The following MCMDC2 variants were observed in gnomAD, a reference collection of about 807,000 sequenced individuals.
MCMDC2 encodes the protein minichromosome maintenance domain-containing protein 2.
Under a neutral mutation model 75.8 loss-of-function variants are expected in MCMDC2, and 54 were observed. The observed-to-expected ratio is 0.71, with a 90% CI of 0.57 to 0.89. The LOEUF (loss-of-function observed/expected upper bound fraction) is 0.89. MCMDC2 is among the 40% of genes least tolerant of loss of function. The pLI is 0.00. For missense variants in MCMDC2, 656 were observed against 780.4 expected (o/e 0.84, Z 1.90); for synonymous variants, 249 against 274.6 (o/e 0.91, Z 0.92).
chr8:66,915,297 C>T (rs191986469), intron 14 of MCMDC2, among the ~76,000 whole-genome samples: 2 of 151,950 alleles, frequency 1.3e-5, no homozygotes. Context: ...ACTAAAAAGA[C>T]AAAAATTAGT....
chr8:66,921,077 C>T lies in MCMDC2; in HGVS notation c.*1908C>T, dbSNP rs1723301008. On this transcript the variant is annotated 3_prime_UTR_variant, in exon 15 of 15. Transcript: ENST00000422365. ...ATAGCTCACTGCCACCTTAATCTCC[C>T]CAGCTCAAAAAACCCAACCTCAGTC... 6.6e-6 allele frequency: 1 copy of T among 152,086 alleles called. No homozygotes were observed. The highest frequency in any genetic ancestry group is 2.1e-4 in the South Asian group (1 of 4,822). The allele number at this position is 152,086 out of a possible 1,614,324, so 9.4% of individuals were successfully genotyped here. A position where few individuals can be genotyped will look rare whatever the true frequency, so the allele number is the denominator to read the frequency against.
chr8:66,904,046 T>A (rs1812809218), intron 13 of MCMDC2, among the ~76,000 whole-genome samples: 1 of 152,172 alleles, frequency 6.6e-6, no homozygotes, highest in South Asian at 2.1e-4. Flanking sequence ...GATATTTCAT[T>A]CTTTTTATGT....
At chr8:66,900,212 G>A (rs544157350) in intron 12 of MCMDC2, among the ~76,000 whole-genome samples, 20 of 150,120 alleles carry the variant, frequency 1.3e-4, no homozygotes, top group Non-Finnish European at 2.4e-4. Context: ...CGAGGTGGGC[G>A]GATCACCTGA....
chr8:66,918,383 A>T (rs1813399109), intron 14 of MCMDC2, among the ~76,000 whole-genome samples: 1 of 151,850 alleles, frequency 6.6e-6, no homozygotes. Flanking sequence ...ATTTATGTGT[A>T]TTTTCTTTTG....
chr8:66,894,007 G>A (rs1347992713), intron 10 of MCMDC2, among the ~76,000 whole-genome samples: 1 of 152,064 alleles, frequency 6.6e-6, no homozygotes, highest in East Asian at 1.9e-4. Flanking sequence ...CGAGATAATG[G>A]CACTTGACTG....
downstream of MCMDC2, chr8:66,925,642 A>C (rs533489128): frequency 6.6e-6 from 1 of 152,396 alleles, no homozygotes; most frequent in East Asian, 1.9e-4. Context: ...GGCTGAGTGC[A>C]CCGGCTCTGG....
chr8:66,903,497 G>C (rs1411453616), intron 13 of MCMDC2, among the ~76,000 whole-genome samples: 1 of 152,160 alleles, frequency 6.6e-6, no homozygotes, highest in Non-Finnish European at 1.5e-5. Flanking sequence ...TGGTCTATCA[G>C]TAGGGGACTG....
chr8:66,908,056 A>G (rs1812973714), intron 14 of MCMDC2, among the ~76,000 whole-genome samples: 1 of 152,160 alleles, frequency 6.6e-6, no homozygotes, highest in Admixed American at 6.6e-5. Context: ...TTTGCTGTGC[A>G]GAAGCTCTTT....
chr8:66,903,188 A>G (rs1340434068), intron 13 of MCMDC2, among the ~76,000 whole-genome samples: 1 of 152,114 alleles, frequency 6.6e-6, no homozygotes, highest in Non-Finnish European at 1.5e-5. Context: ...GGAAACAGAA[A>G]GCATTATGTA....
At chr8:66,885,010 A>C (rs1239854320) in intron 9 of MCMDC2, among the ~76,000 whole-genome samples, 1 of 152,106 alleles carries the variant, frequency 6.6e-6, no homozygotes, top group Non-Finnish European at 1.5e-5. Flanking sequence ...GGCTCAAGCG[A>C]TCCTCTCACC....
chr8:66,895,025 G>A (rs1466686017), intron 10 of MCMDC2, among the ~76,000 whole-genome samples: 1 of 152,172 alleles, frequency 6.6e-6, no homozygotes, highest in South Asian at 2.1e-4. Context: ...TCCAGGGGTT[G>A]GTTCCAGGGC....
At chr8:66,895,014 C>A (rs576334308) in intron 10 of MCMDC2, among the ~76,000 whole-genome samples, 2 of 152,214 alleles carry the variant, frequency 1.3e-5, no homozygotes, top group East Asian at 3.8e-4. Flanking sequence ...CCTCAGTATT[C>A]TCCAGGGGTT....
intron 14 of MCMDC2, among the ~76,000 whole-genome samples, chr8:66,918,562 G>A (rs1180836991): frequency 2.6e-5 from 4 of 151,920 alleles, no homozygotes; most frequent in Admixed American, 2.0e-4. Flanking sequence ...ATCTTTGATC[G>A]TCCACTTAGC....
At chr8:66,871,015 G>T (rs1810989193) in intron 1 of MCMDC2, among the ~76,000 whole-genome samples, 184 bp downstream of exon 1, 1 of 152,196 alleles carries the variant, frequency 6.6e-6, no homozygotes. Flanking sequence ...CAGAATCCGC[G>T]CCTGTTCCAC....
intron 8 of MCMDC2, 130 bp from the exon 9 acceptor site, chr8:66,883,627 C>G (rs77716109): frequency 6.4e-6 from 3 of 471,302 alleles, no homozygotes; most frequent in Non-Finnish European, 7.4e-6. Flanking sequence ...GATCCTGTCT[C>G]AAAAAAAAAA....
At chr8:66,912,795 C>G (rs1279672679) in intron 14 of MCMDC2, among the ~76,000 whole-genome samples, 1 of 152,040 alleles carries the variant, frequency 6.6e-6, no homozygotes, top group African/African-American at 2.4e-5. Flanking sequence ...GTGGGGAGAG[C>G]TAGCGGAGGG....
intron 8 of MCMDC2, among the ~76,000 whole-genome samples, chr8:66,883,416 A>T (rs1246204386): frequency 1.3e-5 from 2 of 152,160 alleles, no homozygotes; most frequent in Non-Finnish European, 1.5e-5. Flanking sequence ...TGTGGACACA[A>T]AGGGTGACTT....
intron 4 of MCMDC2, among the ~76,000 whole-genome samples, chr8:66,875,434 C>G (rs1811235441): frequency 6.6e-6 from 1 of 152,088 alleles, no homozygotes; most frequent in African/African-American, 2.4e-5. Context: ...CATGTGCCAC[C>G]ACACCTGGCT....
At chr8:66,909,128 C>T (rs1265464567) in intron 14 of MCMDC2, among the ~76,000 whole-genome samples, 1 of 152,162 alleles carries the variant, frequency 6.6e-6, no homozygotes. Flanking sequence ...CTTCCCCCTT[C>T]GCTTGGCAGT....
Sources: gnomAD v4.1 joint callset for allele counts (sites outside exome capture counted in the v4.1 genomes callset) on GRCh38, gnomAD v4.1.1 for gene constraint, MANE v1.5 for transcripts, NCBI Gene and HGNC (gene_info 2026-07-23, HGNC 2026-07-21) for gene names.